ASIC2: variants seen among roughly 807,000 people sequenced by gnomAD.
The protein encoded by ASIC2 is acid-sensing ion channel 2.
ASIC2 carries 25 observed loss-of-function variants against 57.3 expected under a neutral mutation model. The ratio of observed to expected loss-of-function variants is 0.44; its 90% CI spans 0.32 to 0.61. The LOEUF (loss-of-function observed/expected upper bound fraction) is 0.61. ASIC2 is among the 20% of genes least tolerant of loss of function. ASIC2 has a pLI of 0.06. For synonymous variants in ASIC2, 319 were observed against 307.5 expected (o/e 1.04, Z -0.39); for missense variants, 641 against 738.1 (o/e 0.87, Z 1.52).
chr17:34,089,022 G>A (rs183906197), intron 1 of ASIC2, among the ~76,000 whole-genome samples: 27 of 152,248 alleles, frequency 1.8e-4, no homozygotes, highest in Admixed American at 1.7e-3. Flanking sequence ...GCTTCGGCTC[G>A]CACACAGTGC....
rs151120233 is a variant in ASIC2, at chr17:33,109,804, C to T, written c.859+2113G>A. 4.7e-3 allele frequency among the ~76,000 whole-genome samples: 712 copies of T among 152,320 alleles called. 6 individuals carry two copies. Among genetic ancestry groups the T allele is most frequent in the African/African-American group, 0.016 (663 of 41,572 alleles). ...TCTTGGTTCAGCTATGAACTCACTGCATGACTTCAAAGACATCATTACTTC... is the reference window on the plus strand; with the variant it reads ...TCTTGGTTCAGCTATGAACTCACTGTATGACTTCAAAGACATCATTACTTC... On this transcript the variant is annotated intron_variant, in intron 2 of 9. Coordinates refer to ENST00000225823, the MANE Select transcript of ASIC2 (RefSeq NM_183377.2).
chr17:33,416,753 G>A (rs1387761623), intron 1 of ASIC2, among the ~76,000 whole-genome samples: 1 of 152,212 alleles, frequency 6.6e-6, no homozygotes, highest in Non-Finnish European at 1.5e-5. Flanking sequence ...GAGTGGTTCA[G>A]GCTTCAAGAT....
chr17:33,110,607 C>T (rs1047666759), intron 2 of ASIC2, among the ~76,000 whole-genome samples: 1 of 152,190 alleles, frequency 6.6e-6, no homozygotes, highest in African/African-American at 2.4e-5. Context: ...AATGGCCACA[C>T]TCCCGTCCCT....
intron 1 of ASIC2, among the ~76,000 whole-genome samples, chr17:33,962,288 T>C (rs1383397481): frequency 6.6e-6 from 1 of 152,140 alleles, no homozygotes; most frequent in East Asian, 1.9e-4. Context: ...TGAGGCCAGC[T>C]GAGGCAGGGG....
intron 3 of ASIC2, among the ~76,000 whole-genome samples, chr17:33,064,051 A>T (rs1472690514): frequency 6.6e-6 from 1 of 152,130 alleles, no homozygotes; most frequent in African/African-American, 2.4e-5. Flanking sequence ...TATTCTAGTT[A>T]GCCAGTTGTC....
intron 1 of ASIC2, among the ~76,000 whole-genome samples, chr17:33,280,904 G>A (rs1470089651): frequency 6.6e-6 from 1 of 152,176 alleles, no homozygotes; most frequent in Admixed American, 6.5e-5. Flanking sequence ...AATTTTCACT[G>A]GGAGGGGTTC....
At chr17:34,035,611 A>G (rs1272959635) in intron 1 of ASIC2, among the ~76,000 whole-genome samples, 6 of 152,108 alleles carry the variant, frequency 3.9e-5, no homozygotes, top group Admixed American at 2.6e-4. Context: ...CAGAACAGGA[A>G]AAAATTTTTG....
intron 1 of ASIC2, among the ~76,000 whole-genome samples, chr17:33,787,807 T>C (rs1911652222): frequency 2.0e-5 from 3 of 152,102 alleles, no homozygotes; most frequent in Non-Finnish European, 4.4e-5. Context: ...TAATCCTCAG[T>C]GTTGGAGGTG....
intron 1 of ASIC2, among the ~76,000 whole-genome samples, chr17:33,848,493 C>T (rs1344105905): frequency 6.6e-6 from 1 of 152,180 alleles, no homozygotes; most frequent in Non-Finnish European, 1.5e-5. Flanking sequence ...GCTGCTGGTG[C>T]CCTCCCTGCT....
At chr17:33,666,682 C>T (rs1403023788) in intron 1 of ASIC2, among the ~76,000 whole-genome samples, 1 of 152,132 alleles carries the variant, frequency 6.6e-6, no homozygotes, top group Non-Finnish European at 1.5e-5. Flanking sequence ...TGCTGTCACC[C>T]CCTGCCCAGG....
At chr17:33,351,140 A>T (rs558061229) in intron 1 of ASIC2, among the ~76,000 whole-genome samples, 1 of 152,354 alleles carries the variant, frequency 6.6e-6, no homozygotes, top group South Asian at 2.1e-4. Flanking sequence ...TTTAAGCCTC[A>T]GTATCTATGT....
chr17:34,084,755 T>C (rs1279641467), intron 1 of ASIC2, among the ~76,000 whole-genome samples: 5 of 152,192 alleles, frequency 3.3e-5, no homozygotes, highest in Non-Finnish European at 5.9e-5. Context: ...AGAGGTCCTT[T>C]ACGTCCCTTG....
intron 1 of ASIC2, among the ~76,000 whole-genome samples, chr17:33,987,529 G>A (rs1469364596): frequency 6.6e-6 from 1 of 152,154 alleles, no homozygotes; most frequent in East Asian, 1.9e-4. Context: ...TGAAATCTGG[G>A]GAACCTGAGA....
At chr17:33,020,650 G>C (rs1001227003) in intron 7 of ASIC2, among the ~76,000 whole-genome samples, 1 of 152,190 alleles carries the variant, frequency 6.6e-6, no homozygotes, top group African/African-American at 2.4e-5. Flanking sequence ...CTTTTGTGGG[G>C]TGGCAGCAGG....
intron 1 of ASIC2, among the ~76,000 whole-genome samples, chr17:34,036,239 G>A (rs1907871956): frequency 6.6e-6 from 1 of 151,854 alleles, no homozygotes; most frequent in South Asian, 2.1e-4. Flanking sequence ...CAATGAAACT[G>A]GAAACCATCA....
intron 1 of ASIC2, among the ~76,000 whole-genome samples, chr17:33,528,448 G>A (rs544263074): frequency 6.6e-6 from 1 of 152,166 alleles, no homozygotes; most frequent in South Asian, 2.1e-4. Flanking sequence ...TAATAAATAA[G>A]TCAATGAAAA....
At chr17:33,848,788 AC>A (rs1913684225) in intron 1 of ASIC2, among the ~76,000 whole-genome samples, 1 of 152,188 alleles carries the variant, frequency 6.6e-6, no homozygotes, top group Non-Finnish European at 1.5e-5. Context: ...AAGGCCCTCA[AC>A]ACTCTGGGGT....
intron 1 of ASIC2, among the ~76,000 whole-genome samples, chr17:33,304,470 G>A (rs1906088488): frequency 6.6e-6 from 1 of 152,160 alleles, no homozygotes; most frequent in African/African-American, 2.4e-5. Context: ...TGTAATAGGG[G>A]CCACTGCATC....
chr17:33,108,917 A>G (rs1243717021), intron 2 of ASIC2, among the ~76,000 whole-genome samples: 7 of 152,196 alleles, frequency 4.6e-5, no homozygotes, highest in Admixed American at 2.0e-4. Flanking sequence ...GCCAAAATCC[A>G]TGAAGTCAAC....
Sources: allele counts gnomAD v4.1 joint callset (sites outside exome capture counted in the v4.1 genomes callset), GRCh38; gene constraint gnomAD v4.1.1; transcripts MANE v1.5; gene names NCBI Gene and HGNC (gene_info 2026-07-23, HGNC 2026-07-21).